The following KCNN2 variants were observed in gnomAD, a reference collection of about 807,000 sequenced individuals.
KCNN2 encodes small conductance calcium-activated potassium channel protein 2.
A neutral mutation model predicts 55.5 loss-of-function variants in KCNN2; 24 were observed. The ratio of observed to expected loss-of-function variants is 0.43; its 90% confidence interval spans 0.31 to 0.61. KCNN2 has a LOEUF of 0.61. Ranked by LOEUF, KCNN2 falls within the 20% of genes least tolerant of loss-of-function variation. KCNN2 has a pLI of 0.08. For missense variants in KCNN2, 754 were observed against 853.6 expected, an observed-to-expected ratio of 0.88 and a Z score of 1.45; for synonymous variants, 431 against 336.1, an observed-to-expected ratio of 1.28 and a Z score of -3.09.
At position 114,238,391 on chromosome 5, in the gene KCNN2, C is replaced by T. The variant is rs192551706; in HGVS notation, c.-185+16826C>T. Among the ~76,000 whole-genome samples, 399 of 152,022 alleles carry T rather than the reference C, an allele frequency of 2.6e-3. 1 individual carries two copies. The highest frequency in any genetic ancestry group is 3.2e-3 in the Non-Finnish European group (219 of 67,978). ...CTGTAATCCTAGCACTTTGGGAGGC[C>T]GAGGCGGGTGGATTGTCTGAGCTCA... On this transcript the variant is annotated intron_variant, in intron 2 of 10. Transcript: ENST00000512097.
intron 1 of KCNN2, among the ~76,000 whole-genome samples, chr5:114,101,612 G>A (rs950016278): frequency 2.0e-5 from 3 of 150,920 alleles, no homozygotes; most frequent in African/African-American, 7.3e-5. Context: ...AGGTCCCAAT[G>A]TGTGACGTTC....
At chr5:114,184,303 T>C (rs1413328757) in intron 1 of KCNN2, among the ~76,000 whole-genome samples, 2 of 152,220 alleles carry the variant, frequency 1.3e-5, no homozygotes, top group Admixed American at 1.3e-4. Context: ...AAAGTGATTC[T>C]ATAACTTAAA....
intron 2 of KCNN2, among the ~76,000 whole-genome samples, chr5:114,372,019 G>T (rs1000060580): frequency 7.9e-5 from 12 of 152,122 alleles, no homozygotes; most frequent in Non-Finnish European, 1.6e-4. Context: ...ATAGCATCTT[G>T]ATTTCAGACC....
At chr5:114,486,542 A>G (rs770213589) in intron 5 of KCNN2, 23 of 290,122 alleles carry the variant, frequency 7.9e-5, no homozygotes, top group Non-Finnish European at 1.0e-4. Context: ...CAAGCATACA[A>G]ATTGCTAAGT....
At position 114,362,111 on chromosome 5, in the gene KCNN2, G is replaced by C; in HGVS notation, c.-29G>C. The C allele has an allele frequency of 6.4e-6, 1 of 155,558 alleles. No individual in the cohort carries two copies. 9.6% of individuals were successfully genotyped at this position (155,558 alleles called of 1,614,324 possible). On this transcript the variant is annotated 5_prime_UTR_variant, in exon 1 of 8. Transcript: ENST00000673685. ...CATTGCGCAGGGTGCACCACCGCTT[G>C]GTCTCCCTGCAGCTTTAACAGCCCT...
intron 1 of KCNN2, among the ~76,000 whole-genome samples, chr5:114,206,817 T>C (rs10043058): frequency 0.018 from 2,744 of 151,818 alleles, 76 homozygotes; most frequent in African/African-American, 0.062. Context: ...CAGACTCAAG[T>C]ATTTACAAAG....
chr5:114,259,041 G>A (rs964996516), intron 2 of KCNN2, among the ~76,000 whole-genome samples: 14 of 152,122 alleles, frequency 9.2e-5, no homozygotes, highest in African/African-American at 3.4e-4. Context: ...GTCTATAGCT[G>A]TCAGGGGCCC....
At chr5:114,204,998 C>G (rs1753740932) in intron 1 of KCNN2, among the ~76,000 whole-genome samples, 1 of 152,150 alleles carries the variant, frequency 6.6e-6, no homozygotes, top group Admixed American at 6.5e-5. Flanking sequence ...AACATAGCAT[C>G]TATTCAGCCA....
At chr5:114,142,183 G>A (rs189290536) in intron 1 of KCNN2, among the ~76,000 whole-genome samples, 2 of 152,154 alleles carry the variant, frequency 1.3e-5, no homozygotes, top group Admixed American at 6.5e-5. Flanking sequence ...TGCTTTTGGT[G>A]TTTTAGACAT....
chr5:114,359,284 T>A (rs1270080105), upstream of KCNN2, among the ~76,000 whole-genome samples: 2 of 152,180 alleles, frequency 1.3e-5, no homozygotes, highest in Non-Finnish European at 2.9e-5. Flanking sequence ...TCTTCTGAAT[T>A]TTGTGCATTC....
At chr5:114,398,425 G>C (rs1758686257) in intron 2 of KCNN2, among the ~76,000 whole-genome samples, 1 of 150,256 alleles carries the variant, frequency 6.7e-6, no homozygotes, top group Non-Finnish European at 1.5e-5. Context: ...TGCTGTTTGG[G>C]TTACTGTAGC....
chr5:114,100,046 A>C (rs1023472690), intron 1 of KCNN2, among the ~76,000 whole-genome samples: 2 of 152,040 alleles, frequency 1.3e-5, no homozygotes, highest in African/African-American at 4.8e-5. Context: ...TATAAATCTC[A>C]ATCTTATAGA....
intron 3 of KCNN2, among the ~76,000 whole-genome samples, chr5:114,433,288 C>G (rs1039670322): frequency 3.9e-5 from 6 of 152,110 alleles, no homozygotes; most frequent in Non-Finnish European, 7.3e-5. Context: ...ATGCACCAAT[C>G]GACACTGTAT....
chr5:114,228,574 T>C (rs928864507), intron 2 of KCNN2, among the ~76,000 whole-genome samples: 2 of 152,108 alleles, frequency 1.3e-5, no homozygotes, highest in East Asian at 1.9e-4. Context: ...AAAATTTTTA[T>C]TGAAACACAG....
chr5:114,144,945 T>A (rs932088990), intron 1 of KCNN2, among the ~76,000 whole-genome samples: 2 of 152,034 alleles, frequency 1.3e-5, no homozygotes, highest in Non-Finnish European at 2.9e-5. Context: ...TTTGGCTGTG[T>A]GGAAATAGTA....
intron 1 of KCNN2, among the ~76,000 whole-genome samples, chr5:114,130,208 TA>T (rs1211496478): frequency 5.3e-5 from 8 of 152,242 alleles, no homozygotes; most frequent in Non-Finnish European, 1.2e-4. Context: ...TTTTTTCTTT[TA>T]CAGAGTAGTT....
chr5:114,141,191 T>G (rs1752271811), intron 1 of KCNN2, among the ~76,000 whole-genome samples: 1 of 152,128 alleles, frequency 6.6e-6, no homozygotes, highest in African/African-American at 2.4e-5. Context: ...GCAGGTTTGT[T>G]ACATATGTAT....
At chr5:114,345,179 A>G (rs1396815669) in intron 2 of KCNN2, among the ~76,000 whole-genome samples, 3 of 152,218 alleles carry the variant, frequency 2.0e-5, no homozygotes, top group Non-Finnish European at 2.9e-5. Flanking sequence ...ATATAGATAC[A>G]TTTCCAAAAT....
At chr5:114,120,130 A>G (rs1176073729) in intron 1 of KCNN2, among the ~76,000 whole-genome samples, 1 of 152,190 alleles carries the variant, frequency 6.6e-6, no homozygotes, top group Non-Finnish European at 1.5e-5. Flanking sequence ...AAAGCCCTAA[A>G]CATTATGGAA....
Sources: gnomAD v4.1 joint callset for allele counts (sites outside exome capture counted in the v4.1 genomes callset) on GRCh38, gnomAD v4.1.1 for gene constraint, MANE v1.5 for transcripts, NCBI Gene and HGNC (gene_info 2026-07-23, HGNC 2026-07-21) for gene names.